POLE2: variants seen among roughly 807,000 people sequenced by gnomAD.
POLE2 encodes DNA polymerase epsilon 2, accessory subunit.
In POLE2, 56 loss-of-function variants were observed where a neutral mutation model predicts 79.4. The observed-to-expected ratio is 0.71, with a 90% CI of 0.57 to 0.88. The LOEUF is 0.88. Ranked by LOEUF, POLE2 falls within the 40% of genes least tolerant of loss-of-function variation. POLE2 has a pLI of 0.00. For missense variants in POLE2, 598 were observed against 638.9 expected (o/e 0.94, Z 0.69); for synonymous variants, 212 against 214.0 (o/e 0.99, Z 0.08).
intron 9 of POLE2, 121 bp downstream of exon 9, chr14:49,664,505 C>A: frequency 1.4e-6 from 1 of 716,814 alleles, no homozygotes; most frequent in Non-Finnish European, 2.5e-6. Context: ...GTTATTTTGC[C>A]AAAAATATGC....
chr14:49,683,447 C>G, intron 2 of POLE2, 146 bp downstream of exon 2: 1 of 475,094 alleles, frequency 2.1e-6, no homozygotes, highest in Non-Finnish European at 3.7e-6. Flanking sequence ...GGTATTACCC[C>G]TTGGGAAGAA....
At chr14:49,665,420 T>C (rs1436357562) in intron 7 of POLE2, among the ~76,000 whole-genome samples, 2 of 152,198 alleles carry the variant, frequency 1.3e-5, no homozygotes, top group African/African-American at 4.8e-5. Context: ...GGACATTTGA[T>C]GTCTGCCATA....
intron 5 of POLE2, among the ~76,000 whole-genome samples, chr14:49,672,412 G>A (rs770210185): frequency 3.9e-5 from 6 of 151,902 alleles, no homozygotes; most frequent in African/African-American, 7.2e-5. Flanking sequence ...TTAACCTACC[G>A]CTGACCATCT....
chr14:49,664,514 G>C, intron 9 of POLE2, 112 bp downstream of exon 9: 1 of 739,312 alleles, frequency 1.4e-6, no homozygotes, highest in South Asian at 1.6e-5. Context: ...CCAAAAATAT[G>C]CTCTTCTAAT....
rs148655636 is a variant in POLE2 at position 49,670,991 on chromosome 14, T to A, written c.418-1393A>T. Among the ~76,000 whole-genome samples the A allele has an allele frequency of 1.1e-3, 171 of 152,236 alleles. 1 individual carries two copies. The highest frequency in any genetic ancestry group is 4.0e-3 in the African/African-American group (167 of 41,538). On this transcript the variant is annotated intron_variant, in intron 5 of 18. Transcript: ENST00000216367. ...GCCAAGAAGTTTGTCCTATAGACAATGAGAAACAAAGATTTTGAAGTAGGA... is the reference window on the plus strand; with the variant it reads ...GCCAAGAAGTTTGTCCTATAGACAAAGAGAAACAAAGATTTTGAAGTAGGA...
chr14:49,654,465 T>C, intron 13 of POLE2: 1 of 457,412 alleles, frequency 2.2e-6, no homozygotes, highest in Middle Eastern at 5.8e-4. Context: ...CTGAATTTTA[T>C]ATTTAAATTT....
At chr14:49,669,091 A>G (rs1201472782) in intron 6 of POLE2, among the ~76,000 whole-genome samples, 1 of 152,220 alleles carries the variant, frequency 6.6e-6, no homozygotes, top group Non-Finnish European at 1.5e-5. Context: ...ACTTCAACCA[A>G]TATAACACAT....
At position 49,683,575 on chromosome 14, in the gene POLE2, T is replaced by A; in HGVS notation, c.169+18A>T. 1 of 1,127,328 alleles carries A rather than the reference T, an allele frequency of 8.9e-7. No individual in the cohort carries two copies. The highest frequency in any genetic ancestry group is 1.3e-6 in the Non-Finnish European group (1 of 748,936). The allele number at this position is 1,127,328 out of a possible 1,614,324, so 69.8% of individuals were successfully genotyped here. A position where few individuals can be genotyped will look rare whatever the true frequency, so the allele number is the denominator to read the frequency against. ...AACTATATTAACAATTTAGGAGTTA[T>A]CAGAAAATATTACTTACAGGGTTGC... On this transcript the variant is annotated intron_variant, in intron 2 of 18. Coordinates refer to ENST00000216367, the MANE Select transcript of POLE2 (RefSeq NM_002692.4).
At chr14:49,681,389 G>A (rs35658313) in intron 2 of POLE2, 183 of 187,122 alleles carry the variant, frequency 9.8e-4, no homozygotes, top group Non-Finnish European at 1.7e-3. Flanking sequence ...TAAAAAACTG[G>A]AACAGAGGTT....
At position 49,658,948 on chromosome 14, in the gene POLE2, CAAG is replaced by C. The variant is rs1263205237; in HGVS notation, c.756-3108_756-3106del. Among the ~76,000 whole-genome samples the C allele has an allele frequency of 3.3e-5, 5 of 152,076 alleles. No homozygotes were observed. The South Asian group carries it at 1.0e-3, about 32-fold the overall frequency. ...CAGGCAGGTCCTTCAGGAGGTCCTT[CAAG>C]AAGAACGCATTGTTACTACAGATGG... is the stretch of plus-strand genomic sequence containing the variant. On this transcript the variant is annotated intron_variant, in intron 10 of 18. Coordinates refer to ENST00000216367, the MANE Select transcript of POLE2 (RefSeq NM_002692.4).
chr14:49,653,963 T>A (rs747953594), intron 15 of POLE2, 27 bp downstream of exon 15: 1 of 1,333,886 alleles, frequency 7.5e-7, no homozygotes, highest in South Asian at 1.2e-5. Flanking sequence ...AAAGGAAAAA[T>A]GTATAACACA....
At chr14:49,653,926 C>G in intron 15 of POLE2, 64 bp downstream of exon 15, 6 of 948,764 alleles carry the variant, frequency 6.3e-6, no homozygotes, top group South Asian at 1.5e-5. Context: ...CAGACATGAG[C>G]CACCACACCT....
intron 8 of POLE2, 54 bp from the exon 9 acceptor site, chr14:49,664,728 C>T: frequency 2.6e-6 from 3 of 1,141,244 alleles, no homozygotes; most frequent in Non-Finnish European, 4.0e-6. Context: ...ATAAAGTCAA[C>T]ATACATTTTG....
At chr14:49,668,683 C>G (rs564231719) in intron 6 of POLE2, among the ~76,000 whole-genome samples, 94 of 152,248 alleles carry the variant, frequency 6.2e-4, no homozygotes, top group Middle Eastern at 3.4e-3. Context: ...GAAAAGGCTC[C>G]TGGGCTGTGG....
At chr14:49,660,698 C>A (rs1057185565) in intron 10 of POLE2, among the ~76,000 whole-genome samples, 1 of 152,044 alleles carries the variant, frequency 6.6e-6, no homozygotes, top group Non-Finnish European at 1.5e-5. Context: ...TCAAGACCAG[C>A]CTGACCAACA....
rs963716624 is a variant in POLE2 at position 49,665,218 on chromosome 14, C to CA, written c.577-56dup. 53 of 754,296 alleles carry CA rather than the reference C, an allele frequency of 7.0e-5. No individual in the cohort carries two copies. In the African/African-American group the frequency reaches 9.2e-4, roughly 13 times the overall value. 46.7% of individuals were successfully genotyped at this position (754,296 alleles called of 1,614,324 possible). A position where few individuals can be genotyped will look rare whatever the true frequency, so the allele number is the denominator to read the frequency against. On this transcript the variant is annotated intron_variant, in intron 7 of 18. Transcript: ENST00000216367. The stretch of plus-strand genomic sequence containing the variant: ...TTTATGTAACAATGAAAACCGTTGA[C>CA]AAAAAAATTAAACTACAAGTTTGAC...
chr14:49,683,168 G>C (rs967436496), intron 2 of POLE2, among the ~76,000 whole-genome samples: 4 of 152,150 alleles, frequency 2.6e-5, no homozygotes, highest in Admixed American at 2.6e-4. Flanking sequence ...TTGGGAGGCC[G>C]AGGCAGGTGG....
At chr14:49,677,913 GAGA>G (rs1160856152) in intron 3 of POLE2, 2 of 330,686 alleles carry the variant, frequency 6.0e-6, no homozygotes, top group East Asian at 5.0e-5. Flanking sequence ...TGGCCATATT[GAGA>G]AGGTGGCGCC....
chr14:49,645,092 G>A (rs1400399524), intron 18 of POLE2, among the ~76,000 whole-genome samples: 1 of 149,632 alleles, frequency 6.7e-6, no homozygotes, highest in South Asian at 2.1e-4. Flanking sequence ...ACCTATACAT[G>A]ATGTACCTAC....
Sources: gnomAD v4.1 joint callset for allele counts (sites outside exome capture counted in the v4.1 genomes callset) on GRCh38, gnomAD v4.1.1 for gene constraint, MANE v1.5 for transcripts, NCBI Gene and HGNC (gene_info 2026-07-23, HGNC 2026-07-21) for gene names.